Variants in DAB1 observed in about 807,000 individuals in gnomAD.
DAB1 encodes the protein DAB adaptor protein 1.
A neutral mutation model predicts 64.6 loss-of-function variants in DAB1; 15 were observed. The ratio of observed to expected loss-of-function variants is 0.23; its 90% CI spans 0.16 to 0.36. DAB1 has a LOEUF of 0.36. Ranked by LOEUF, DAB1 falls within the 10% of genes least tolerant of loss-of-function variation. The probability of loss-of-function intolerance (pLI) is 1.00; values close to 1 mark genes in which losing one functional copy is unlikely to be tolerated. For missense variants in DAB1, 596 were observed against 706.7 expected (o/e 0.84, Z 1.78); for synonymous variants, 235 against 251.9 (o/e 0.93, Z 0.64).
intron 2 of DAB1, among the ~76,000 whole-genome samples, chr1:57,184,150 C>G (rs1280177619): frequency 6.6e-6 from 1 of 152,192 alleles, no homozygotes; most frequent in Non-Finnish European, 1.5e-5. Flanking sequence ...TGCCCCACAT[C>G]CAGGCACCCT....
intron 3 of DAB1, among the ~76,000 whole-genome samples, chr1:58,465,921 T>C (rs2100320916): frequency 6.6e-6 from 1 of 152,238 alleles, no homozygotes; most frequent in East Asian, 1.9e-4. Flanking sequence ...TGCCACCTTT[T>C]CTCAGGACTG....
chr1:57,294,740 T>G (rs1342019809), intron 1 of DAB1, among the ~76,000 whole-genome samples: 1 of 152,200 alleles, frequency 6.6e-6, no homozygotes, highest in African/African-American at 2.4e-5. Flanking sequence ...ACAAGCCAGC[T>G]TAGGCGCTTG....
At chr1:57,539,693 T>C (rs935039427) in intron 7 of DAB1, among the ~76,000 whole-genome samples, 7 of 152,174 alleles carry the variant, frequency 4.6e-5, no homozygotes, top group Admixed American at 1.3e-4. Context: ...GAGTGGGTAA[T>C]TGAAAATATG....
At chr1:57,006,676 G>A (rs780520805) in intron 14 of DAB1, among the ~76,000 whole-genome samples, 1 of 152,112 alleles carries the variant, frequency 6.6e-6, no homozygotes, top group African/African-American at 2.4e-5. Context: ...GGTTGGACTT[G>A]TCATTGAGTT....
At chr1:57,493,965 A>G (rs1644198327) in intron 7 of DAB1, among the ~76,000 whole-genome samples, 1 of 152,206 alleles carries the variant, frequency 6.6e-6, no homozygotes, top group South Asian at 2.1e-4. Flanking sequence ...GATAAGTCAA[A>G]AACACTGAAC....
At chr1:57,891,493 C>A (rs1267532659) in intron 5 of DAB1, among the ~76,000 whole-genome samples, 1 of 152,204 alleles carries the variant, frequency 6.6e-6, no homozygotes, top group Non-Finnish European at 1.5e-5. Flanking sequence ...TTTGACCCAG[C>A]AATCCCATTA....
chr1:57,605,318 G>A (rs1310850223), intron 7 of DAB1, among the ~76,000 whole-genome samples: 2 of 152,188 alleles, frequency 1.3e-5, no homozygotes, highest in African/African-American at 4.8e-5. Context: ...GGTGTTGCTT[G>A]TAGCAGGTGT....
At chr1:58,028,869 T>C (rs1278812956) in intron 5 of DAB1, among the ~76,000 whole-genome samples, 3 of 152,178 alleles carry the variant, frequency 2.0e-5, no homozygotes, top group Admixed American at 1.3e-4. Context: ...TTAAGTTGAG[T>C]TGAAACTGGG....
At chr1:57,490,947 A>T (rs1644155061) in intron 7 of DAB1, among the ~76,000 whole-genome samples, 1 of 152,254 alleles carries the variant, frequency 6.6e-6, no homozygotes, top group South Asian at 2.1e-4. Context: ...TGAGAAGGAC[A>T]CAGCTTCCAC....
intron 6 of DAB1, among the ~76,000 whole-genome samples, chr1:57,712,136 A>T (rs894880449): frequency 5.3e-5 from 8 of 152,172 alleles, no homozygotes; most frequent in African/African-American, 1.9e-4. Context: ...TTGAATTTTT[A>T]AAAAGTATTC....
intron 5 of DAB1, among the ~76,000 whole-genome samples, chr1:57,944,381 CACTT>C (rs1012219528): frequency 1.3e-5 from 2 of 152,164 alleles, no homozygotes; most frequent in African/African-American, 4.8e-5. Context: ...TGCTCTTCAG[CACTT>C]ACTTAGTCCA....
rs139576288 is a variant in DAB1 at position 58,001,181 on chromosome 1, C to T, written n.388-117019G>A. 4.2e-3 allele frequency among the ~76,000 whole-genome samples: 645 copies of T among 152,150 alleles called. 7 individuals are homozygous for T. The highest frequency in any genetic ancestry group is 0.015 in the African/African-American group (624 of 41,512). On this transcript the variant is annotated intron_variant and non_coding_transcript_variant, in intron 5 of 20. Transcript: ENST00000485760. ...CATCCTTTCTCTTGCCCCTCACTTG[C>T]TCCATCTCTCTCCTCCCTACTTTTT... is the stretch of plus-strand genomic sequence containing the variant.
At chr1:57,620,509 AGAGTGT>A (rs1197544576) in intron 7 of DAB1, among the ~76,000 whole-genome samples, 1 of 152,264 alleles carries the variant, frequency 6.6e-6, no homozygotes, top group Non-Finnish European at 1.5e-5. Context: ...GTACAGAAAT[AGAGTGT>A]TTCCCATGAG....
intron 4 of DAB1, among the ~76,000 whole-genome samples, chr1:57,130,823 G>T (rs183850335): frequency 9.9e-5 from 15 of 152,250 alleles, no homozygotes; most frequent in African/African-American, 3.6e-4. Flanking sequence ...TCTTAGTCTA[G>T]TTGCATTTCT....
At chr1:57,376,734 G>A (rs1680926710) in intron 1 of DAB1, among the ~76,000 whole-genome samples, 1 of 152,134 alleles carries the variant, frequency 6.6e-6, no homozygotes, top group East Asian at 1.9e-4. Context: ...ATGAACAGAT[G>A]GATAAAGAGA....
chr1:57,935,786 G>C (rs577148479), intron 5 of DAB1, among the ~76,000 whole-genome samples: 1 of 152,164 alleles, frequency 6.6e-6, no homozygotes, highest in African/African-American at 2.4e-5. Context: ...AGATGCCCTA[G>C]ACAGATTCTT....
intron 4 of DAB1, among the ~76,000 whole-genome samples, chr1:58,193,574 G>A (rs538118032): frequency 2.6e-5 from 4 of 152,168 alleles, no homozygotes; most frequent in Admixed American, 1.3e-4. Context: ...ACTAAGTTAC[G>A]GCCAGGCGCA....
At chr1:58,065,170 C>T (rs1364061811) in intron 5 of DAB1, among the ~76,000 whole-genome samples, 4 of 152,136 alleles carry the variant, frequency 2.6e-5, no homozygotes, top group African/African-American at 9.7e-5. Context: ...TATGCATGCC[C>T]TAGGCCAAGC....
chr1:57,914,272 T>G (rs1210116571), intron 5 of DAB1, among the ~76,000 whole-genome samples: 1 of 151,922 alleles, frequency 6.6e-6, no homozygotes, highest in East Asian at 1.9e-4. Context: ...CCATAAAAAA[T>G]GATGAGTTCA....
Sources: allele counts gnomAD v4.1 joint callset (sites outside exome capture counted in the v4.1 genomes callset), GRCh38; gene constraint gnomAD v4.1.1; transcripts MANE v1.5; gene names NCBI Gene and HGNC (gene_info 2026-07-23, HGNC 2026-07-21).